The following GDF5 variants were observed in gnomAD, a reference collection of about 807,000 sequenced individuals.
GDF5 encodes growth/differentiation factor 5.
In GDF5, 17 loss-of-function variants were observed where a neutral mutation model predicts 34.6. That is an observed-to-expected ratio of 0.49 (90% CI 0.34 to 0.74). The LOEUF (loss-of-function observed/expected upper bound fraction) is 0.74, where lower values mean the gene tolerates loss of function less well. Among genes scored for constraint, GDF5 ranks in the 30% least tolerant of loss-of-function variants. GDF5 has a pLI of 0.01. For missense variants in GDF5, 616 were observed against 661.2 expected, an observed-to-expected ratio of 0.93 and a Z score of 0.75; for synonymous variants, 332 against 290.7, an observed-to-expected ratio of 1.14 and a Z score of -1.44.
chr20:35,454,106 T>A lies in GDF5; in HGVS notation c.-398+534A>T, dbSNP rs1253406213. 20 of 455,076 alleles carry A rather than the reference T, an allele frequency of 4.4e-5. No homozygotes were observed. The Admixed American group carries it at 5.3e-4, about 12-fold the overall frequency. 28.2% of individuals were successfully genotyped at this position (455,076 alleles called of 1,614,324 possible). ...CTACTAAAAATTGAGAACCACTGAG[T>A]GCAAGAGTGAGGCAGGTAAATGGAG... On this transcript the variant is annotated intron_variant, in intron 1 of 3. Transcript: ENST00000374372.
In GDF5 at chr20:35,434,363, C is replaced by A; in HGVS notation, c.1052G>T (p.Arg351Leu). The A allele has an allele frequency of 6.2e-7, 1 of 1,613,754 alleles. No homozygotes were observed. Among genetic ancestry groups the A allele is most frequent in the South Asian group, 1.1e-5 (1 of 91,082 alleles). ...CTTAATCTCATTAAAGAACAGGTCC[C>A]GTTTCTTGGTGCGGCCAAACACCAG... ...LFLVFGRTKK[R>L]DLFFNEIKAR... is the part of the protein sequence containing the mutation. Residue 351 changes from arginine to leucine, a missense_variant, in exon 2 of 2, where the codon CGG becomes CTG. Physicochemically the swap from Arg to Leu is moderately radical, Grantham distance 102. Transcript: ENST00000374369.
chr20:35,445,366 T>C, intron 1 of GDF5, among the ~76,000 whole-genome samples: 1 of 151,754 alleles, frequency 6.6e-6, no homozygotes, highest in East Asian at 1.9e-4. Context: ...CCTGTCTCTA[T>C]AAAAATAAAA....
upstream of GDF5, among the ~76,000 whole-genome samples, chr20:35,439,470 G>A (rs1810582): frequency 0.015 from 2,331 of 151,984 alleles, 56 homozygotes; most frequent in African/African-American, 0.053. Flanking sequence ...CTCGTGATCC[G>A]CCCGCCTCGG....
chr20:35,451,068 T>TATATATATATATATATATATATATAA (rs2062530958), intron 1 of GDF5, among the ~76,000 whole-genome samples: 4 of 31,614 alleles, frequency 1.3e-4, no homozygotes, highest in African/African-American at 9.0e-4. Context: ...AAAAAAAATA[T>TATATATATATATATATATATATATAA]ATATATATAT....
intron 1 of GDF5, among the ~76,000 whole-genome samples, chr20:35,443,562 A>G (rs1361054064): frequency 6.6e-6 from 1 of 151,924 alleles, no homozygotes; most frequent in Non-Finnish European, 1.5e-5. Flanking sequence ...CCCAGGCTGG[A>G]GTGCAATGGC....
Position 35,452,436 on chromosome 20 carries a change from CT to C in GDF5, c.-398+2203del, listed in dbSNP as rs923671012. ...CCTGTTTACTCCTCATAGTCTTTTT[CT>C]TTGAGATGAACTTTCGCTCTTGTTG... On this transcript the variant is annotated intron_variant, in intron 1 of 3. Coordinates refer to the GDF5 transcript ENST00000374372. Among the ~76,000 whole-genome samples, 31 of 152,176 alleles carry C rather than the reference CT, an allele frequency of 2.0e-4. 1 individual carries two copies. The highest frequency in any genetic ancestry group is 7.2e-4 in the African/African-American group (30 of 41,540).
At chr20:35,443,605 A>G (rs1601079141) in intron 1 of GDF5, among the ~76,000 whole-genome samples, 2 of 151,938 alleles carry the variant, frequency 1.3e-5, no homozygotes, top group Admixed American at 6.6e-5. Context: ...TCTGCCTCCC[A>G]GGTTCGAGCG....
At chr20:35,442,917 G>T (rs116469094), upstream of GDF5, among the ~76,000 whole-genome samples, 1,544 of 152,146 alleles carry the variant, frequency 0.01, 29 homozygotes, top group African/African-American at 0.035. Context: ...TCTAATTTTG[G>T]CTTCAACACA....
At chr20:35,448,446 G>A (rs1165915168) in intron 1 of GDF5, among the ~76,000 whole-genome samples, 5 of 94,050 alleles carry the variant, frequency 5.3e-5, no homozygotes, top group Non-Finnish European at 8.0e-5. Flanking sequence ...GGGCCCCCCC[G>A]ACTTTTTTTT....
rs1289781571 is a variant in GDF5, at chr20:35,451,050, A to ATAT, written c.-398+3589_-398+3590insATA. 3.2e-3 allele frequency among the ~76,000 whole-genome samples: 183 copies of ATAT among 57,506 alleles called. 37 individuals are homozygous for ATAT. Among genetic ancestry groups the ATAT allele is most frequent in the South Asian group, 0.019 (31 of 1,636 alleles). 37.7% of individuals were successfully genotyped at this position (57,506 alleles called of 152,430 possible). A position where few individuals can be genotyped will look rare whatever the true frequency, so the allele number is the denominator to read the frequency against. On this transcript the variant is annotated intron_variant, in intron 1 of 3. Coordinates refer to the GDF5 transcript ENST00000374372. ...CAGATTTTAGACTAACAGAAAAAAA[A>ATAT]AAAAAAAAAAAAAAATATATATATA...
At chr20:35,434,896 C>A in intron 1 of GDF5, 113 bp from the exon 2 acceptor site, 1 of 1,113,532 alleles carries the variant, frequency 9.0e-7, no homozygotes, top group Non-Finnish European at 1.4e-6. Flanking sequence ...TTTCTTTCAC[C>A]TCTGCCCCAT....
In GDF5 at chr20:35,438,135, C is replaced by T; in HGVS notation, c.-207G>A. 1.6e-6 allele frequency: 1 copy of T among 623,504 alleles called. No homozygotes were observed. Among genetic ancestry groups the T allele is most frequent in the Non-Finnish European group, 2.8e-6 (1 of 352,298 alleles). 38.6% of individuals were successfully genotyped at this position (623,504 alleles called of 1,614,324 possible). On this transcript the variant is annotated 5_prime_UTR_variant, in exon 1 of 2. Transcript: ENST00000374369. ...TATCCAGTCCCATAGTGGAAATGCT[C>T]TCGTATCCAGACGTGCACCGTCTCC...
At position 35,433,584 on chromosome 20, in the gene GDF5, C is replaced by G; in HGVS notation, c.*325G>C. On this transcript the variant is annotated 3_prime_UTR_variant, in exon 2 of 2. Transcript: ENST00000374369. ...GGAGAGTCCAGAGGCTGAGAAGGCCCAGGTGAGGAGAAATGGTGGGCTGAG... is the reference window on the plus strand; with the variant it reads ...GGAGAGTCCAGAGGCTGAGAAGGCCGAGGTGAGGAGAAATGGTGGGCTGAG... 2.5e-6 allele frequency: 1 copy of G among 397,456 alleles called. No individual in the cohort carries two copies. The allele number at this position is 397,456 out of a possible 1,614,324, so 24.6% of individuals were successfully genotyped here. A position where few individuals can be genotyped will look rare whatever the true frequency, so the allele number is the denominator to read the frequency against.
Position 35,437,358 on chromosome 20 carries a change from T to C in GDF5, c.571A>G (p.Ser191Gly), listed in dbSNP as rs2062476781. Residue 191 changes from serine (S) to glycine (G), a missense_variant, in exon 1 of 2, where the codon AGC (serine) becomes GGC (glycine). Physicochemically the swap from Ser to Gly is moderately conservative, Grantham distance 56. Coordinates refer to ENST00000374369, the MANE Select transcript of GDF5 (RefSeq NM_000557.5). Reference protein sequence around the residue: ...SDADRKGGNSSVKLEAGLANT... With the variant: ...SDADRKGGNSGVKLEAGLANT... ...GCCAGGCCAGCCTCCAACTTCACGC[T>C]GCTGTTGCCTCCCTTTCTGTCAGCA... 1.9e-6 allele frequency: 3 copies of C among 1,613,072 alleles called. No homozygotes were observed. The highest frequency in any genetic ancestry group is 2.7e-5 in the African/African-American group (2 of 74,926).
At position 35,434,157 on chromosome 20, in the gene GDF5, C is replaced by A. The variant is rs1030786017; in HGVS notation, c.1258G>T (p.Ala420Ser). Residue 420 changes from alanine (A) to serine (S), a missense_variant, in exon 2 of 2, where the codon GCA becomes TCA. Physicochemically the swap from Ala to Ser is moderately conservative, Grantham distance 99. Coordinates refer to ENST00000374369, the MANE Select transcript of GDF5 (RefSeq NM_000557.5). ...KDMGWDDWII[A>S]PLEYEAFHCE... Reference sequence around the variant, plus strand: ...TGGAAAGCCTCGTACTCAAGGGGTGCGATGATCCAGTCGTCCCAGCCCATG... The same window carrying A: ...TGGAAAGCCTCGTACTCAAGGGGTGAGATGATCCAGTCGTCCCAGCCCATG... 2.5e-6 allele frequency: 4 copies of A among 1,614,130 alleles called. No homozygotes were observed. Among genetic ancestry groups the A allele is most frequent in the Non-Finnish European group, 2.5e-6 (3 of 1,180,022 alleles).
In GDF5 at chr20:35,433,407, G is replaced by A; in HGVS notation, c.*502C>T. On this transcript the variant is annotated 3_prime_UTR_variant, in exon 2 of 2. Coordinates refer to ENST00000374369, the MANE Select transcript of GDF5 (RefSeq NM_000557.5). ...TACATTTAAATCTAACAGTCTAACAGCCTCACACTCCTCAACTCTATCCAA... is the reference window on the plus strand; with the variant it reads ...TACATTTAAATCTAACAGTCTAACAACCTCACACTCCTCAACTCTATCCAA... 7 of 315,720 alleles carry A rather than the reference G, an allele frequency of 2.2e-5. No individual in the cohort carries two copies. Among genetic ancestry groups the A allele is most frequent in the South Asian group, 1.9e-4 (7 of 36,928 alleles). The allele number at this position is 315,720 out of a possible 1,614,324, so 19.6% of individuals were successfully genotyped here.
At chr20:35,438,861 T>TG (rs2062487582), upstream of GDF5, among the ~76,000 whole-genome samples, 3 of 33,334 alleles carry the variant, frequency 9.0e-5, no homozygotes, top group African/African-American at 2.7e-4. Flanking sequence ...GTGTGTGTGT[T>TG]TATGTGCCTG....
chr20:35,437,266 T>C (rs1258367354), intron 1 of GDF5, 32 bp downstream of exon 1: 1 of 1,470,162 alleles, frequency 6.8e-7, no homozygotes, highest in Admixed American at 1.7e-5. Context: ...CCCCTCCCTC[T>C]GAGCCGTGCC....
At chr20:35,439,358 G>C (rs537766482), upstream of GDF5, among the ~76,000 whole-genome samples, 26 of 151,292 alleles carry the variant, frequency 1.7e-4, 2 homozygotes, top group South Asian at 4.8e-3. Context: ...CTCCCCAGTA[G>C]CTGGGACTAC....
Sources: allele counts gnomAD v4.1 joint callset (sites outside exome capture counted in the v4.1 genomes callset), GRCh38; gene constraint gnomAD v4.1.1; transcripts MANE v1.5; gene names NCBI Gene and HGNC (gene_info 2026-07-23, HGNC 2026-07-21).